Variants in LRP6 observed in about 807,000 individuals in gnomAD.
The protein encoded by LRP6 is LDL receptor related protein 6.
In LRP6, 43 loss-of-function variants were observed where a neutral mutation model predicts 184.1. The ratio of observed to expected loss-of-function variants is 0.23; its 90% CI spans 0.18 to 0.30. The LOEUF is 0.30. LRP6 is among the 10% of genes least tolerant of loss of function. The pLI is 1.00. For missense variants in LRP6, 1,571 were observed against 2,005.3 expected (o/e 0.78, Z 4.14); for synonymous variants, 719 against 684.9 (o/e 1.05, Z -0.78).
Position 12,120,020 on chromosome 12 carries a change from TATA to T in LRP6, c.*1103_*1105del, listed in dbSNP as rs1949580558. 1 of 108,172 alleles carries T rather than the reference TATA, an allele frequency of 9.2e-6. No individual in the cohort carries two copies. Among genetic ancestry groups the T allele is most frequent in the Admixed American group, 8.9e-5 (1 of 11,232 alleles). The allele number at this position is 108,172 out of a possible 1,614,324, so 6.7% of individuals were successfully genotyped here. On this transcript the variant is annotated 3_prime_UTR_variant, in exon 23 of 23. Coordinates refer to ENST00000261349, the MANE Select transcript of LRP6 (RefSeq NM_002336.3). ...ATATATATATATATATATATATATATATATATATATATATATATATATAAATGA... is the reference window on the plus strand; with the variant it reads ...ATATATATATATATATATATATATATTATATATATATATATATATAAATGA...
intron 12 of LRP6, among the ~76,000 whole-genome samples, chr12:12,157,598 G>T (rs1367610017): frequency 3.3e-5 from 5 of 152,114 alleles, no homozygotes; most frequent in Non-Finnish European, 1.5e-5. Context: ...ACATGCTTGT[G>T]TCCTTTCTCT....
intron 2 of LRP6, among the ~76,000 whole-genome samples, chr12:12,208,093 G>A (rs1301668686): frequency 6.6e-6 from 1 of 152,182 alleles, no homozygotes; most frequent in Non-Finnish European, 1.5e-5. Context: ...ATACTATTCA[G>A]CAACATAAAA....
intron 7 of LRP6, among the ~76,000 whole-genome samples, chr12:12,173,773 A>C (rs530095216): frequency 4.6e-5 from 7 of 152,190 alleles, no homozygotes; most frequent in Non-Finnish European, 8.8e-5. Flanking sequence ...AGTGTGAGCC[A>C]CTGTGCCCAA....
intron 2 of LRP6, among the ~76,000 whole-genome samples, chr12:12,207,523 T>A (rs1038793669): frequency 4.0e-5 from 6 of 151,638 alleles, no homozygotes; most frequent in Non-Finnish European, 7.4e-5. Context: ...GTCAAAAAAA[T>A]AATAATAATA....
chr12:12,234,822 T>C (rs531215573), intron 2 of LRP6, among the ~76,000 whole-genome samples: 1 of 146,358 alleles, frequency 6.8e-6, no homozygotes, highest in African/African-American at 2.5e-5. Context: ...AGAGACTACG[T>C]CTCAAAAAAA....
At chr12:12,121,508 T>C in intron 22 of LRP6, 88 bp from the exon 23 acceptor site, 1 of 1,224,314 alleles carries the variant, frequency 8.2e-7, no homozygotes, top group Non-Finnish European at 1.2e-6. Flanking sequence ...AGATGTCAAC[T>C]ACCCTATGAA....
In LRP6 at chr12:12,158,809, T is replaced by G. The variant is rs1247093683; in HGVS notation, c.2791+20A>C. 1.2e-6 allele frequency: 2 copies of G among 1,611,310 alleles called. No individual in the cohort carries two copies. The highest frequency in any genetic ancestry group is 1.7e-6 in the Non-Finnish European group (2 of 1,177,580). On this transcript the variant is annotated intron_variant, in intron 12 of 22. Transcript: ENST00000261349. The stretch of plus-strand genomic sequence containing the variant: ...TGCTTTCTCTCATTCTAGCTTGCTT[T>G]GGAGGGAAATGCAGCTTACCACTAC...
chr12:12,244,450 C>G lies in LRP6; in HGVS notation c.261G>C (p.Gln87His). The change falls in exon 2 of 23, where the codon CAG (glutamine) becomes CAC (histidine). Residue 87 changes from glutamine (Q) to histidine (H), a missense_variant. Gln to His is a conservative substitution (Grantham distance 24, BLOSUM62 0). Around this residue, in one of 4 missense-constraint regions of LRP6, gnomAD observed 640 missense variants for 851.9 expected, o/e 0.75. Coordinates refer to ENST00000261349, the MANE Select transcript of LRP6 (RefSeq NM_002336.3). Reference sequence around the variant, plus strand: ...ACAATAATCCAGAAACAACAACATTCTGCACACTCTCAGTTTTGTTAAATT... The same window carrying G: ...ACAATAATCCAGAAACAACAACATTGTGCACACTCTCAGTTTTGTTAAATT... ...RTEFNKTESV[Q>H]NVVVSGLLSP... is the part of the protein sequence containing the mutation. 6.2e-7 allele frequency: 1 copy of G among 1,614,206 alleles called. No individual in the cohort carries two copies. Among genetic ancestry groups the G allele is most frequent in the Non-Finnish European group, 8.5e-7 (1 of 1,180,026 alleles).
intron 2 of LRP6, among the ~76,000 whole-genome samples, chr12:12,218,468 C>G (rs1281262846): frequency 7.5e-6 from 1 of 133,202 alleles, no homozygotes; most frequent in African/African-American, 2.8e-5. Context: ...CAGACCAAGA[C>G]CCTCTCTCAA....
At chr12:12,126,156 T>C (rs1024163492) in intron 20 of LRP6, among the ~76,000 whole-genome samples, 1 of 152,218 alleles carries the variant, frequency 6.6e-6, no homozygotes, top group African/African-American at 2.4e-5. Flanking sequence ...CAACACGGCC[T>C]ACCCAAGCTT....
At position 12,143,216 on chromosome 12, in the gene LRP6, T is replaced by C. The variant is rs578007146; in HGVS notation, c.3397+4150A>G. Among the ~76,000 whole-genome samples the C allele has an allele frequency of 5.9e-5, 9 of 152,294 alleles. No individual in the cohort carries two copies. The South Asian group carries it at 1.2e-3, about 21-fold the overall frequency. ...AAGGAATAACAACTCTAATGAAAGA[T>C]AGGCAAGACCTCTATGCTGAAAATT... On this transcript the variant is annotated intron_variant, in intron 15 of 22. Transcript: ENST00000261349.
intron 15 of LRP6, among the ~76,000 whole-genome samples, chr12:12,142,476 C>T (rs1451107591): frequency 6.6e-6 from 1 of 151,900 alleles, no homozygotes; most frequent in Non-Finnish European, 1.5e-5. Context: ...CTATAAAAGG[C>T]TATGTGGGTG....
intron 3 of LRP6, among the ~76,000 whole-genome samples, chr12:12,192,711 A>C (rs2137017778): frequency 6.6e-6 from 1 of 152,140 alleles, no homozygotes; most frequent in Middle Eastern, 3.4e-3. Flanking sequence ...ACATACAGGT[A>C]CCTAAAAACA....
intron 12 of LRP6, among the ~76,000 whole-genome samples, chr12:12,152,208 G>A (rs558712254): frequency 4.0e-4 from 61 of 152,070 alleles, no homozygotes; most frequent in Admixed American, 1.2e-3. Context: ...TCTTGCCACC[G>A]CCAGGAAAGA....
At chr12:12,206,542 CAAAAAA>C (rs60179716) in intron 2 of LRP6, among the ~76,000 whole-genome samples, 3 of 116,858 alleles carry the variant, frequency 2.6e-5, no homozygotes, top group African/African-American at 6.5e-5. Context: ...GACTCCATCT[CAAAAAA>C]AAAAAAAAAA....
At chr12:12,213,260 T>C (rs980922320) in intron 2 of LRP6, among the ~76,000 whole-genome samples, 1 of 152,268 alleles carries the variant, frequency 6.6e-6, no homozygotes, top group African/African-American at 2.4e-5. Context: ...TATTTCCATC[T>C]CAATTTTAAA....
intron 20 of LRP6, 80 bp downstream of exon 20, chr12:12,126,611 G>T: frequency 9.4e-7 from 1 of 1,059,846 alleles, no homozygotes; most frequent in South Asian, 1.3e-5. Flanking sequence ...CAGACTCTAG[G>T]TAGTATTCTT....
chr12:12,206,196 A>G (rs1864052467), intron 2 of LRP6, among the ~76,000 whole-genome samples: 1 of 152,140 alleles, frequency 6.6e-6, no homozygotes, highest in Non-Finnish European at 1.5e-5. Flanking sequence ...ACATGTCCCT[A>G]CTGTTAAGCG....
At chr12:12,246,724 C>T (rs965940323) in intron 1 of LRP6, among the ~76,000 whole-genome samples, 3 of 151,732 alleles carry the variant, frequency 2.0e-5, no homozygotes, top group Admixed American at 6.6e-5. Context: ...GATCTTCTTT[C>T]ATAATTACTT....
Sources: gnomAD v4.1 joint callset for allele counts (sites outside exome capture counted in the v4.1 genomes callset) on GRCh38, gnomAD v4.1.1 for gene constraint, gnomAD v4.1.1 regional missense constraint, MANE v1.5 for transcripts, NCBI Gene and HGNC (gene_info 2026-07-23, HGNC 2026-07-21) for gene names.